ASZ1: variants seen among roughly 807,000 people sequenced by gnomAD.
ASZ1 encodes ankyrin repeat, SAM and basic leucine zipper domain containing 1.
In ASZ1, 67 loss-of-function variants were observed where a neutral mutation model predicts 61.8. The ratio of observed to expected loss-of-function variants is 1.08; its 90% confidence interval spans 0.89 to 1.33. The LOEUF (loss-of-function observed/expected upper bound fraction) is 1.33, where lower values mean the gene tolerates loss of function less well. Ranked by LOEUF, ASZ1 falls within the 40% of genes most tolerant of loss-of-function variation. The pLI is 0.00. For synonymous variants in ASZ1, 193 were observed against 192.7 expected (o/e 1.00, Z -0.01); for missense variants, 577 against 554.5 (o/e 1.04, Z -0.41).
chr7:117,369,943 G>C (rs1426619405), intron 10 of ASZ1, among the ~76,000 whole-genome samples: 1 of 152,142 alleles, frequency 6.6e-6, no homozygotes, highest in Non-Finnish European at 1.5e-5. Context: ...CTAGAATGGA[G>C]ACAGTAGGTC....
chr7:117,382,233 T>C (rs1377068070), intron 7 of ASZ1, 89 bp from the exon 8 acceptor site: 4 of 808,190 alleles, frequency 4.9e-6, no homozygotes, highest in Non-Finnish European at 6.2e-6. Flanking sequence ...AGAATATGAA[T>C]AATAATGAAT....
chr7:117,363,885 T>C (rs1795878710), intron 12 of ASZ1, 137 bp from the exon 13 acceptor site: 1 of 645,752 alleles, frequency 1.5e-6, no homozygotes, highest in Non-Finnish European at 2.3e-6. Flanking sequence ...AAGATTCCCA[T>C]GGAAGATTTA....
chr7:117,376,739 C>T (rs1796143738), intron 10 of ASZ1, among the ~76,000 whole-genome samples: 1 of 152,006 alleles, frequency 6.6e-6, no homozygotes, highest in African/African-American at 2.4e-5. Flanking sequence ...ATTCCACAAC[C>T]ATTCATGATA....
In ASZ1 at chr7:117,363,545, T is replaced by G. The variant is rs755471778; in HGVS notation, c.*51A>C. 1.5e-6 allele frequency: 2 copies of G among 1,375,348 alleles called. No individual in the cohort carries two copies. The highest frequency in any genetic ancestry group is 1.9e-6 in the Non-Finnish European group (2 of 1,037,438). 85.2% of individuals were successfully genotyped at this position (1,375,348 alleles called of 1,614,324 possible). ...CTGCAAACAGTTAAAAGCAATGATT[T>G]TTGGATGGTTCAATAAGATGTGTAT... is the stretch of plus-strand genomic sequence containing the variant. On this transcript the variant is annotated 3_prime_UTR_variant, in exon 13 of 13. Transcript: ENST00000284629.
At chr7:117,412,060 GTGTGT>G (rs1420618037) in intron 4 of ASZ1, among the ~76,000 whole-genome samples, 5 of 150,002 alleles carry the variant, frequency 3.3e-5, no homozygotes, top group African/African-American at 1.2e-4. Context: ...GTGTGTGTGT[GTGTGT>G]GTGTGTGTGT....
chr7:117,422,224 T>C lies in ASZ1; in HGVS notation c.328+13A>G. 1 of 1,608,234 alleles carries C rather than the reference T, an allele frequency of 6.2e-7. No homozygotes were observed. The highest frequency in any genetic ancestry group is 1.1e-5 in the South Asian group (1 of 89,442). ...AGTAAGCATAATCATTTAAGTTATCTAAAACATCTTACCCTTCTCAAAGCT... is the reference window on the plus strand; with the variant it reads ...AGTAAGCATAATCATTTAAGTTATCCAAAACATCTTACCCTTCTCAAAGCT... On this transcript the variant is annotated intron_variant, in intron 3 of 12. Transcript: ENST00000284629.
chr7:117,425,011 T>C (rs1797170302), intron 2 of ASZ1, among the ~76,000 whole-genome samples: 1 of 152,206 alleles, frequency 6.6e-6, no homozygotes, highest in Non-Finnish European at 1.5e-5. Context: ...GAAGATTTGG[T>C]AACTTAGTCA....
At chr7:117,416,728 TAC>T (rs1797000942) in intron 4 of ASZ1, among the ~76,000 whole-genome samples, 1 of 152,220 alleles carries the variant, frequency 6.6e-6, no homozygotes, top group Non-Finnish European at 1.5e-5. Context: ...GATCCAACTG[TAC>T]ACTGAAAATC....
intron 2 of ASZ1, among the ~76,000 whole-genome samples, chr7:117,424,712 GC>G (rs1464526344): frequency 1.3e-5 from 2 of 152,084 alleles, no homozygotes; most frequent in Non-Finnish European, 2.9e-5. Context: ...ACAAATCTCT[GC>G]CTATTCCACC....
chr7:117,368,186 C>A, intron 11 of ASZ1: 1 of 904,726 alleles, frequency 1.1e-6, no homozygotes, highest in Non-Finnish European at 1.3e-6. Context: ...GTGGGCCTCC[C>A]AAAGTGTTGG....
chr7:117,363,817 A>T (rs765256062), intron 12 of ASZ1, 69 bp from the exon 13 acceptor site: 22 of 1,209,890 alleles, frequency 1.8e-5, no homozygotes, highest in Non-Finnish European at 2.3e-5. Context: ...TTTTGATTTT[A>T]AAAAATATCA....
intron 10 of ASZ1, among the ~76,000 whole-genome samples, chr7:117,379,659 T>C (rs1207897102): frequency 6.6e-6 from 1 of 151,830 alleles, no homozygotes. Flanking sequence ...ATGGGATTGT[T>C]TGTAAGGTTC....
At chr7:117,364,803 C>G (rs2116438732) in intron 12 of ASZ1, among the ~76,000 whole-genome samples, 1 of 152,242 alleles carries the variant, frequency 6.6e-6, no homozygotes, top group African/African-American at 2.4e-5. Flanking sequence ...GCAACAGATT[C>G]CTTTTTGACA....
chr7:117,368,538 G>T, intron 11 of ASZ1, 74 bp downstream of exon 11: 1 of 1,542,370 alleles, frequency 6.5e-7, no homozygotes, highest in South Asian at 1.3e-5. Flanking sequence ...ACTATTTATT[G>T]AATTATCATG....
intron 4 of ASZ1, among the ~76,000 whole-genome samples, chr7:117,410,955 A>G (rs903033684): frequency 6.6e-6 from 1 of 151,842 alleles, no homozygotes; most frequent in African/African-American, 2.4e-5. Context: ...ATTATAATCA[A>G]TAAGACTTAT....
chr7:117,366,030 G>A (rs1341933688), intron 12 of ASZ1, among the ~76,000 whole-genome samples: 1 of 152,202 alleles, frequency 6.6e-6, no homozygotes, highest in Non-Finnish European at 1.5e-5. Context: ...CTCGGAGGCC[G>A]AGGCAAGTGG....
chr7:117,394,314 G>A (rs537377356), intron 4 of ASZ1, among the ~76,000 whole-genome samples: 3 of 152,192 alleles, frequency 2.0e-5, no homozygotes, highest in Non-Finnish European at 2.9e-5. Context: ...AAACTCTTGC[G>A]CTCAAGCAGT....
intron 10 of ASZ1, among the ~76,000 whole-genome samples, chr7:117,372,121 T>A (rs956781659): frequency 6.6e-6 from 1 of 152,154 alleles, no homozygotes; most frequent in African/African-American, 2.4e-5. Flanking sequence ...TACACAACTT[T>A]ATATGGCAGG....
intron 8 of ASZ1, 102 bp downstream of exon 8, chr7:117,381,967 G>T (rs1156795867): frequency 1.1e-5 from 8 of 721,902 alleles, no homozygotes; most frequent in Non-Finnish European, 1.9e-5. Flanking sequence ...AAAGTAAATT[G>T]GCAGTTATTC....
Sources: gnomAD v4.1 joint callset for allele counts (sites outside exome capture counted in the v4.1 genomes callset) on GRCh38, gnomAD v4.1.1 for gene constraint, MANE v1.5 for transcripts, NCBI Gene and HGNC (gene_info 2026-07-23, HGNC 2026-07-21) for gene names.